TYW1B: variants seen among roughly 807,000 people sequenced by gnomAD.
TYW1B encodes the protein S-adenosyl-L-methionine-dependent tRNA 4-demethylwyosine synthase TYW1B.
A neutral mutation model predicts 86.9 loss-of-function variants in TYW1B; 73 were observed. The ratio of observed to expected loss-of-function variants is 0.84; its 90% CI spans 0.70 to 1.02. TYW1B has a LOEUF of 1.02. Ranked by LOEUF, TYW1B falls within the 50% of genes least tolerant of loss-of-function variation. The pLI is 0.00. For missense variants in TYW1B, 637 were observed against 827.4 expected (o/e 0.77, Z 2.82); for synonymous variants, 248 against 292.8 (o/e 0.85, Z 1.56).
intron 13 of TYW1B, among the ~76,000 whole-genome samples, chr7:72,589,816 C>T (rs1186660313): frequency 6.6e-5 from 10 of 152,156 alleles, no homozygotes; most frequent in African/African-American, 2.2e-4. Flanking sequence ...GCGGAGGTTG[C>T]AGTGAGCTGA....
At chr7:72,827,545 GAAGC>G (rs781849638) in intron 1 of TYW1B, among the ~76,000 whole-genome samples, 13 of 152,236 alleles carry the variant, frequency 8.5e-5, no homozygotes, top group South Asian at 6.2e-4. Context: ...TGAGCATTTA[GAAGC>G]AAGAGAAGGA....
intron 6 of TYW1B, among the ~76,000 whole-genome samples, chr7:72,787,383 A>C (rs1471523218): frequency 2.0e-5 from 3 of 151,944 alleles, no homozygotes; most frequent in African/African-American, 7.3e-5. Context: ...GAACTGCTTG[A>C]ACCCAGGAGG....
chr7:72,634,232 G>A (rs2129568869), intron 11 of TYW1B, among the ~76,000 whole-genome samples: 1 of 151,826 alleles, frequency 6.6e-6, no homozygotes, highest in South Asian at 2.1e-4. Context: ...AGGCTGGAGT[G>A]CAGTGGCATA....
At chr7:72,583,134 G>A (rs1206962823) in intron 13 of TYW1B, among the ~76,000 whole-genome samples, 2 of 152,118 alleles carry the variant, frequency 1.3e-5, no homozygotes, top group East Asian at 3.8e-4. Context: ...AGGCCAAGGT[G>A]GGTGGATCAT....
At chr7:72,799,617 C>T (rs1383589791) in intron 6 of TYW1B, among the ~76,000 whole-genome samples, 15 of 152,020 alleles carry the variant, frequency 9.9e-5, no homozygotes, top group Non-Finnish European at 2.1e-4. Flanking sequence ...AGACGCCCAC[C>T]ACCACACCTG....
intron 10 of TYW1B, among the ~76,000 whole-genome samples, chr7:72,695,042 A>C (rs1314431781): frequency 6.6e-6 from 1 of 152,154 alleles, no homozygotes; most frequent in African/African-American, 2.4e-5. Context: ...AATACATTGA[A>C]AATATTGAAT....
chr7:72,598,066 G>A (rs530885926), intron 13 of TYW1B, among the ~76,000 whole-genome samples: 2 of 152,314 alleles, frequency 1.3e-5, no homozygotes, highest in Admixed American at 1.3e-4. Context: ...TATTAATCCT[G>A]GGTGTTTCTG....
intron 6 of TYW1B, among the ~76,000 whole-genome samples, chr7:72,792,386 G>C (rs1195043317): frequency 4.6e-5 from 7 of 151,326 alleles, no homozygotes; most frequent in Non-Finnish European, 1.0e-4. Flanking sequence ...AAATGCAAAT[G>C]AACAATAAAC....
intron 6 of TYW1B, among the ~76,000 whole-genome samples, chr7:72,796,986 T>A (rs1451092308): frequency 2.3e-3 from 332 of 145,310 alleles, no homozygotes; most frequent in African/African-American, 7.8e-3. Context: ...GTATTTTTTT[T>A]AATAGAGATG....
At chr7:72,809,525 C>G (rs1226029177) in intron 4 of TYW1B, among the ~76,000 whole-genome samples, 3 of 151,980 alleles carry the variant, frequency 2.0e-5, no homozygotes, top group African/African-American at 7.2e-5. Flanking sequence ...TAGTGGTGCA[C>G]GCCTATAGTT....
intron 11 of TYW1B, among the ~76,000 whole-genome samples, chr7:72,674,302 A>C (rs539166829): frequency 2.6e-5 from 4 of 152,130 alleles, no homozygotes; most frequent in Admixed American, 1.3e-4. Context: ...GAAGAAGTGC[A>C]TGGTGTGACA....
At chr7:72,707,496 C>T (rs1814642355) in intron 10 of TYW1B, among the ~76,000 whole-genome samples, 2 of 152,324 alleles carry the variant, frequency 1.3e-5, no homozygotes, top group South Asian at 4.1e-4. Flanking sequence ...TATATCAGTA[C>T]CTTCCTATCA....
chr7:72,613,744 C>T (rs1215249015), intron 13 of TYW1B, among the ~76,000 whole-genome samples: 1 of 151,880 alleles, frequency 6.6e-6, no homozygotes, highest in Non-Finnish European at 1.5e-5. Flanking sequence ...CTGGCTGACT[C>T]CTATAGAGTA....
At chr7:72,631,425 A>G (rs782771948) in intron 11 of TYW1B, among the ~76,000 whole-genome samples, 16 of 152,116 alleles carry the variant, frequency 1.1e-4, no homozygotes, top group Non-Finnish European at 2.2e-4. Flanking sequence ...GAGGCAAGAG[A>G]ATTGCTTCAA....
At chr7:72,650,954 G>A (rs1261268558) in intron 11 of TYW1B, among the ~76,000 whole-genome samples, 2 of 152,100 alleles carry the variant, frequency 1.3e-5, no homozygotes, top group Non-Finnish European at 2.9e-5. Flanking sequence ...TCTCAAAGTC[G>A]TATGTGTGTG....
intron 11 of TYW1B, among the ~76,000 whole-genome samples, chr7:72,675,578 CACACAT>C (rs1813717385): frequency 2.0e-5 from 3 of 149,128 alleles, no homozygotes; most frequent in Non-Finnish European, 4.5e-5. Flanking sequence ...TATATACACA[CACACAT>C]ATATATATAT....
At chr7:72,677,008 A>T (rs560179805) in intron 11 of TYW1B, among the ~76,000 whole-genome samples, 1 of 152,304 alleles carries the variant, frequency 6.6e-6, no homozygotes, top group Non-Finnish European at 1.5e-5. Flanking sequence ...ATATTCAAAA[A>T]GAAACTTGGT....
intron 2 of TYW1B, among the ~76,000 whole-genome samples, chr7:72,822,162 C>CAAA (rs782637112): frequency 0.012 from 382 of 31,162 alleles, no homozygotes; most frequent in Non-Finnish European, 0.015. Flanking sequence ...GACCCTGTCT[C>CAAA]AAAAAAAAAA....
At chr7:72,657,471 G>T (rs1251757465) in intron 11 of TYW1B, among the ~76,000 whole-genome samples, 14 of 152,114 alleles carry the variant, frequency 9.2e-5, no homozygotes, top group African/African-American at 2.2e-4. Flanking sequence ...TTGAGAGAGA[G>T]ATATAGATAA....
Sources: allele counts gnomAD v4.1 joint callset (sites outside exome capture counted in the v4.1 genomes callset), GRCh38; gene constraint gnomAD v4.1.1; transcripts MANE v1.5; gene names NCBI Gene and HGNC (gene_info 2026-07-23, HGNC 2026-07-21).